CELF2: variants seen among roughly 807,000 people sequenced by gnomAD.
CELF2 encodes CUGBP Elav-like family member 2.
A neutral mutation model predicts 62.6 loss-of-function variants in CELF2; 8 were observed. That is an observed-to-expected ratio of 0.13 (90% CI 0.07 to 0.23). The LOEUF (loss-of-function observed/expected upper bound fraction) is 0.23, where lower values mean the gene tolerates loss of function less well. Ranked by LOEUF, CELF2 falls within the 10% of genes least tolerant of loss-of-function variation. The pLI is 1.00. For synonymous variants in CELF2, 258 were observed against 250.0 expected (o/e 1.03, Z -0.30); for missense variants, 333 against 671.0 (o/e 0.50, Z 5.56).
At chr10:11,204,986 T>G (rs2060106651) in intron 2 of CELF2, among the ~76,000 whole-genome samples, 1 of 152,228 alleles carries the variant, frequency 6.6e-6, no homozygotes, top group African/African-American at 2.4e-5. Flanking sequence ...AGGGATTTTT[T>G]GCCTCTTGGG....
chr10:10,544,732 G>A, the CELF2 span, among the ~76,000 whole-genome samples: 1 of 152,140 alleles, frequency 6.6e-6, no homozygotes, highest in Non-Finnish European at 1.5e-5. Context: ...ACAGAGTATG[G>A]AGAGAGAGAT....
the CELF2 span, among the ~76,000 whole-genome samples, chr10:10,560,944 C>A: frequency 6.7e-6 from 1 of 150,210 alleles, no homozygotes; most frequent in African/African-American, 2.5e-5. Flanking sequence ...TATGTTCTCA[C>A]TGATATGTGG....
chr10:10,757,749 C>G, the CELF2 span, among the ~76,000 whole-genome samples: 1 of 152,138 alleles, frequency 6.6e-6, no homozygotes, highest in African/African-American at 2.4e-5. Context: ...AGCATTATGG[C>G]AAAAACTTCC....
the CELF2 span, among the ~76,000 whole-genome samples, chr10:10,623,034 C>T: frequency 1.5e-5 from 2 of 134,140 alleles, no homozygotes; most frequent in Middle Eastern, 4.1e-3. Flanking sequence ...TGCAGTGAGC[C>T]GAGATTGCGC....
chr10:10,664,772 A>G, the CELF2 span, among the ~76,000 whole-genome samples: 1 of 152,198 alleles, frequency 6.6e-6, no homozygotes, highest in Non-Finnish European at 1.5e-5. Context: ...GTTTAGGGGA[A>G]TCTATCTTCG....
chr10:10,718,575 G>A, the CELF2 span, among the ~76,000 whole-genome samples: 1 of 144,166 alleles, frequency 6.9e-6, no homozygotes, highest in African/African-American at 2.6e-5. Flanking sequence ...AGTGGGCCAA[G>A]ATCGCGCCAC....
At chr10:10,574,626 A>G in the CELF2 span, among the ~76,000 whole-genome samples, 1 of 152,200 alleles carries the variant, frequency 6.6e-6, no homozygotes, top group Non-Finnish European at 1.5e-5. Flanking sequence ...CAAAATAAGT[A>G]TTCTCGTATT....
At chr10:10,759,724 G>A in the CELF2 span, among the ~76,000 whole-genome samples, 1 of 152,028 alleles carries the variant, frequency 6.6e-6, no homozygotes, top group East Asian at 1.9e-4. Flanking sequence ...TCTTCTAGCA[G>A]TTTTATAAGT....
intron 2 of CELF2, among the ~76,000 whole-genome samples, chr10:10,979,310 G>T (rs963690524): frequency 2.0e-5 from 3 of 152,166 alleles, no homozygotes; most frequent in Non-Finnish European, 2.9e-5. Context: ...ATAAATCTAA[G>T]AAGGAATGAC....
At chr10:10,600,605 A>C in the CELF2 span, among the ~76,000 whole-genome samples, 1 of 152,316 alleles carries the variant, frequency 6.6e-6, no homozygotes, top group Non-Finnish European at 1.5e-5. Context: ...GGATATGGGA[A>C]GAGGAGACAA....
chr10:10,983,637 G>A lies in CELF2; in HGVS notation c.89+63638G>A, dbSNP rs1049034007. Among the ~76,000 whole-genome samples, 9 of 152,208 alleles carry A rather than the reference G, an allele frequency of 5.9e-5. No individual in the cohort carries two copies. The South Asian group carries it at 1.9e-3, about 32-fold the overall frequency. ...GGCTGGAGTGCAGTGGCACAATCTTGGCTCACTGCAACCTCCACCTCCCAG... is the reference window on the plus strand; with the variant it reads ...GGCTGGAGTGCAGTGGCACAATCTTAGCTCACTGCAACCTCCACCTCCCAG... On this transcript the variant is annotated intron_variant, in intron 2 of 13. Coordinates refer to the CELF2 transcript ENST00000636488. This position sits in a 1 kb window ranked among gnomAD's most constrained non-coding sequence, Gnocchi z 5.2.
rs1422965439 is a variant in CELF2 at position 11,333,982 on chromosome 10, T to TTGA, written c.*4931_*4933dup. The TTGA allele has an allele frequency of 2.0e-5, 3 of 152,414 alleles. No individual in the cohort carries two copies. The highest frequency in any genetic ancestry group is 2.0e-4 in the Admixed American group (3 of 15,278). The allele number at this position is 152,414 out of a possible 1,614,324, so 9.4% of individuals were successfully genotyped here. On this transcript the variant is annotated 3_prime_UTR_variant, in exon 13 of 13. Transcript: ENST00000633077. ...GATTTCGGGTTGATTGATTGATTGA[T>TTGA]TGATAGAAAGAAAGTTGCTTTTCTT...
rs1362736957 is a variant in CELF2, at chr10:11,079,846, A to T, written c.74+61683A>T. ...TCAGCTTCTGCCATCACCTGGCAGT[A>T]TCATCACATATGATCAGAGTTACCA... On this transcript the variant is annotated intron_variant, in intron 1 of 12. Coordinates refer to ENST00000633077, the MANE Select transcript of CELF2 (RefSeq NM_001326342.2). Among the ~76,000 whole-genome samples, 3 of 151,104 alleles carry T rather than the reference A, an allele frequency of 2.0e-5. No homozygotes were observed. In the East Asian group the frequency reaches 5.9e-4, roughly 30 times the overall value.
chr10:11,028,863 G>A (rs1328596116), intron 1 of CELF2, among the ~76,000 whole-genome samples: 1 of 151,612 alleles, frequency 6.6e-6, no homozygotes, highest in African/African-American at 2.4e-5. Context: ...GAGATTACAG[G>A]CCCCCACCTG....
At chr10:10,987,259 T>C (rs957034729) in intron 2 of CELF2, among the ~76,000 whole-genome samples, 1 of 152,102 alleles carries the variant, frequency 6.6e-6, no homozygotes, top group Non-Finnish European at 1.5e-5. Context: ...AGAGATCTTT[T>C]TTTTTTTTTC....
the CELF2 span, among the ~76,000 whole-genome samples, chr10:10,538,703 T>C: frequency 6.6e-6 from 1 of 152,046 alleles, no homozygotes; most frequent in South Asian, 2.1e-4. Flanking sequence ...TGGAATAACG[T>C]TGGAACCATT....
the CELF2 span, among the ~76,000 whole-genome samples, chr10:10,489,490 G>A: frequency 2.6e-5 from 4 of 152,036 alleles, no homozygotes; most frequent in Admixed American, 2.0e-4. Context: ...TCATTTCTTA[G>A]TGTTATTTAA....
chr10:11,026,000 T>C (rs1356835116), intron 1 of CELF2, among the ~76,000 whole-genome samples: 2 of 152,206 alleles, frequency 1.3e-5, no homozygotes, highest in Non-Finnish European at 2.9e-5. Flanking sequence ...TCTGGGGGCT[T>C]CTTCTGTTTC....
At chr10:10,755,691 T>C in the CELF2 span, among the ~76,000 whole-genome samples, 1 of 152,218 alleles carries the variant, frequency 6.6e-6, no homozygotes, top group South Asian at 2.1e-4. Context: ...ACGCCCCCTC[T>C]TACGATGTTA....
Sources: gnomAD v4.1 joint callset for allele counts (sites outside exome capture counted in the v4.1 genomes callset) on GRCh38, gnomAD v4.1.1 for gene constraint, Gnocchi (gnomAD v3.1) non-coding constraint, MANE v1.5 for transcripts, NCBI Gene and HGNC (gene_info 2026-07-23, HGNC 2026-07-21) for gene names.